Variants in SCFD2 observed in about 807,000 individuals in gnomAD.
SCFD2 encodes the protein sec1 family domain-containing protein 2.
Under a neutral mutation model 58.9 loss-of-function variants are expected in SCFD2, and 54 were observed. The ratio of observed to expected loss-of-function variants is 0.92; its 90% confidence interval spans 0.74 to 1.15. SCFD2 has a LOEUF of 1.15. SCFD2 is among the 50% of genes most tolerant of loss of function. SCFD2 has a pLI of 0.00. For synonymous variants in SCFD2, 321 were observed against 335.9 expected, an observed-to-expected ratio of 0.96 and a Z score of 0.49; for missense variants, 805 against 836.6, an observed-to-expected ratio of 0.96 and a Z score of 0.47.
intron 5 of SCFD2, among the ~76,000 whole-genome samples, chr4:53,130,191 C>T (rs180900099): frequency 4.6e-5 from 7 of 151,898 alleles, no homozygotes; most frequent in African/African-American, 1.5e-4. Context: ...TATAAATAAT[C>T]CATCATAAAG....
At chr4:52,915,772 A>G (rs1252950675) in intron 6 of SCFD2, among the ~76,000 whole-genome samples, 2 of 152,228 alleles carry the variant, frequency 1.3e-5, no homozygotes, top group Non-Finnish European at 2.9e-5. Context: ...CTGGCCCTCA[A>G]TTTAGTCCTA....
At chr4:53,335,995 G>A (rs1265260639) in intron 2 of SCFD2, among the ~76,000 whole-genome samples, 1 of 152,038 alleles carries the variant, frequency 6.6e-6, no homozygotes, top group African/African-American at 2.4e-5. Context: ...TTCTTCCTTA[G>A]GGAACCTAAT....
chr4:53,123,678 C>T (rs1198397547), intron 5 of SCFD2, among the ~76,000 whole-genome samples: 2 of 152,184 alleles, frequency 1.3e-5, no homozygotes, highest in Non-Finnish European at 2.9e-5. Flanking sequence ...CACTCATTGA[C>T]CTAGGACCTT....
chr4:53,141,488 GA>G (rs1046016093), intron 5 of SCFD2, among the ~76,000 whole-genome samples: 1 of 152,188 alleles, frequency 6.6e-6, no homozygotes, highest in Non-Finnish European at 1.5e-5. Flanking sequence ...CTACCCACAA[GA>G]GCCAAGATTT....
rs60439091 is a variant in SCFD2, at chr4:52,979,067, G to C, written c.1562-58197C>G. ...AGCCAACACACCAGGCCTTTTTTTG[G>C]GGGGGGGAGTAGTTAAGAGCAAGAT... is the stretch of plus-strand genomic sequence containing the variant. On this transcript the variant is annotated intron_variant, in intron 5 of 8. Coordinates refer to ENST00000401642, the MANE Select transcript of SCFD2 (RefSeq NM_152540.4). Among the ~76,000 whole-genome samples, 1,136 of 150,528 alleles carry C rather than the reference G, an allele frequency of 7.5e-3. 22 individuals are homozygous for C. The highest frequency in any genetic ancestry group is 0.026 in the African/African-American group (1,071 of 41,216).
intron 5 of SCFD2, among the ~76,000 whole-genome samples, chr4:53,081,875 T>A (rs1376278857): frequency 2.6e-5 from 4 of 152,112 alleles, no homozygotes; most frequent in Non-Finnish European, 4.4e-5. Context: ...CACTCTACCA[T>A]CAGCCCTAGG....
intron 5 of SCFD2, among the ~76,000 whole-genome samples, chr4:53,096,432 T>A (rs569071002): frequency 2.0e-5 from 3 of 152,252 alleles, no homozygotes; most frequent in African/African-American, 7.2e-5. Flanking sequence ...AGATGGTATC[T>A]CATTGTGGTT....
intron 7 of SCFD2, among the ~76,000 whole-genome samples, chr4:52,893,755 A>G (rs1718935705): frequency 6.6e-6 from 1 of 152,136 alleles, no homozygotes; most frequent in South Asian, 2.1e-4. Context: ...TAGCTACTCA[A>G]CCATTCATTT....
At chr4:53,037,360 T>A (rs1469044745) in intron 5 of SCFD2, among the ~76,000 whole-genome samples, 1 of 152,126 alleles carries the variant, frequency 6.6e-6, no homozygotes, top group Non-Finnish European at 1.5e-5. Context: ...TAAGAGAAGT[T>A]GCATAAGAGA....
chr4:53,147,055 G>A (rs955373264), intron 4 of SCFD2, among the ~76,000 whole-genome samples: 7 of 152,184 alleles, frequency 4.6e-5, no homozygotes, highest in African/African-American at 1.7e-4. Context: ...TAAGATGTGT[G>A]TCTGTGTGTA....
intron 4 of SCFD2, among the ~76,000 whole-genome samples, chr4:53,145,818 T>C (rs980321738): frequency 1.3e-5 from 2 of 152,212 alleles, no homozygotes; most frequent in African/African-American, 2.4e-5. Context: ...GGTTCCATTA[T>C]ATCATCTTAA....
Position 53,145,423 on chromosome 4 carries a change from G to A in SCFD2, c.1471C>T (p.Leu491=). 1 of 1,614,032 alleles carries A rather than the reference G, an allele frequency of 6.2e-7. No individual in the cohort carries two copies. Among genetic ancestry groups the A allele is most frequent in the Non-Finnish European group, 8.5e-7 (1 of 1,179,976 alleles). ...TTGACTTTTTCTTCTGCTTCACACA[G>A]GTCTTTGTCTACCGTGAGCTCTCCA... ...VTGELTVDKD[L]CEAEEKVKKA... is the part of the protein sequence containing the mutation. The change falls in exon 5 of 9, where the codon CTG becomes TTG. Residue 491 remains leucine (L), a synonymous_variant. Coordinates refer to ENST00000401642, the MANE Select transcript of SCFD2 (RefSeq NM_152540.4).
rs1260961393 is a variant in SCFD2 at position 53,365,852 on chromosome 4, G to A, written c.90C>T (p.Ala30=). 6.2e-7 allele frequency: 1 copy of A among 1,612,730 alleles called. No homozygotes were observed. The highest frequency in any genetic ancestry group is 2.2e-5 in the East Asian group (1 of 44,904). The change falls in exon 1 of 9, where the codon GCC becomes GCT. Residue 30 remains alanine (A), a synonymous_variant. Transcript: ENST00000401642. The surrounding 1 kb of genome is among the most constrained non-coding windows in gnomAD (Gnocchi z 4.3). ...CCCAGTGCAGGCTCTCGGCGCAGGC[G>A]GCGTCCAGGTAAACCACAGCCCGTT... ...KVKRAVVYLD[A]ACAESLHWGC...
intron 4 of SCFD2, among the ~76,000 whole-genome samples, chr4:53,251,625 A>G (rs913868265): frequency 2.6e-5 from 4 of 152,204 alleles, no homozygotes; most frequent in Non-Finnish European, 4.4e-5. Context: ...AGAACCAAAG[A>G]AAAAAACCAC....
At chr4:52,880,480 G>A (rs185263530) in intron 8 of SCFD2, among the ~76,000 whole-genome samples, 1 of 151,526 alleles carries the variant, frequency 6.6e-6, no homozygotes, top group Admixed American at 6.6e-5. Context: ...AACCAGGAGT[G>A]GTGGTGGGCG....
intron 5 of SCFD2, among the ~76,000 whole-genome samples, chr4:53,145,105 G>A (rs905619905): frequency 2.0e-5 from 3 of 152,132 alleles, no homozygotes; most frequent in African/African-American, 7.2e-5. Context: ...AGGTGGAACG[G>A]TTTCATCATG....
At chr4:52,966,127 C>T (rs1037243290) in intron 5 of SCFD2, among the ~76,000 whole-genome samples, 3 of 152,204 alleles carry the variant, frequency 2.0e-5, no homozygotes, top group African/African-American at 7.2e-5. Flanking sequence ...TGGAGACACA[C>T]CAGGCCATCT....
chr4:53,230,076 C>T (rs1056437820), intron 4 of SCFD2, among the ~76,000 whole-genome samples: 30 of 152,228 alleles, frequency 2.0e-4, no homozygotes, highest in African/African-American at 6.7e-4. Flanking sequence ...AATGAGATAC[C>T]ATCTCACACC....
At position 53,105,170 on chromosome 4, in the gene SCFD2, T is replaced by C. The variant is rs923786207; in HGVS notation, c.1561+40163A>G. On this transcript the variant is annotated intron_variant, in intron 5 of 8. Coordinates refer to ENST00000401642, the MANE Select transcript of SCFD2 (RefSeq NM_152540.4). ...CACTCCGGCCCAGATACTATGCTTT[T>C]CCCAGATTCTTCACAACCTGCAGAC... 5.3e-5 allele frequency among the ~76,000 whole-genome samples: 8 copies of C among 152,086 alleles called. 1 individual carries two copies. The highest frequency in any genetic ancestry group is 1.7e-4 in the African/African-American group (7 of 41,424).
Sources: allele counts gnomAD v4.1 joint callset (sites outside exome capture counted in the v4.1 genomes callset), GRCh38; gene constraint gnomAD v4.1.1; non-coding constraint Gnocchi (gnomAD v3.1); transcripts MANE v1.5; gene names NCBI Gene and HGNC (gene_info 2026-07-23, HGNC 2026-07-21).